Variants in IL1RAPL1 observed in about 807,000 individuals in gnomAD.
The protein encoded by IL1RAPL1 is interleukin 1 receptor accessory protein like 1.
IL1RAPL1 carries 3 observed loss-of-function variants against 48.4 expected under a neutral mutation model. The ratio of observed to expected loss-of-function variants is 0.06; its 90% confidence interval spans 0.03 to 0.16. The LOEUF (loss-of-function observed/expected upper bound fraction) is 0.16, where lower values mean the gene tolerates loss of function less well. IL1RAPL1 is among the 10% of genes least tolerant of loss of function. The pLI, the probability that IL1RAPL1 is intolerant of heterozygous loss-of-function variation, is 1.00. For missense variants in IL1RAPL1, 349 were observed against 530.6 expected, an observed-to-expected ratio of 0.66 and a Z score of 3.36; for synonymous variants, 185 against 187.7, an observed-to-expected ratio of 0.99 and a Z score of 0.12.
intron 2 of IL1RAPL1, among the ~76,000 whole-genome samples, chrX:29,186,216 T>C (rs1254310999): frequency 8.9e-5 from 10 of 112,178 alleles, no homozygotes; most frequent in African/African-American, 2.6e-4. Flanking sequence ...AACAGCTAGA[T>C]ACATGCAGCA....
At chrX:28,849,903 A>G (rs1042113569) in intron 2 of IL1RAPL1, among the ~76,000 whole-genome samples, 18 of 111,969 alleles carry the variant, frequency 1.6e-4, no homozygotes, top group Non-Finnish European at 2.4e-4. Context: ...TACTGGCTTT[A>G]TTCAACTAAT....
intron 2 of IL1RAPL1, among the ~76,000 whole-genome samples, chrX:28,871,833 T>A (rs1339273155): frequency 8.9e-6 from 1 of 112,365 alleles, no homozygotes; most frequent in Non-Finnish European, 1.9e-5. Context: ...GACTTTGGTG[T>A]CAGGCTTATT....
chrX:29,677,950 G>A (rs1926332551), intron 6 of IL1RAPL1, among the ~76,000 whole-genome samples: 1 of 111,449 alleles, frequency 9.0e-6, no homozygotes, highest in Non-Finnish European at 1.9e-5. Flanking sequence ...ATATACCCTA[G>A]TAGGATAACT....
intron 5 of IL1RAPL1, among the ~76,000 whole-genome samples, chrX:29,600,609 T>C (rs1923692834): frequency 1.8e-5 from 2 of 111,030 alleles, no homozygotes; most frequent in South Asian, 7.7e-4. Context: ...TTTCAGGCGG[T>C]GGGCAGGGCC....
chrX:29,752,664 A>G (rs1293517699), intron 6 of IL1RAPL1, among the ~76,000 whole-genome samples: 1 of 111,233 alleles, frequency 9.0e-6, no homozygotes. Context: ...TACTGAATCA[A>G]TGCTTTCCTG....
At chrX:29,292,787 A>C (rs1274131767) in intron 3 of IL1RAPL1, among the ~76,000 whole-genome samples, 1 of 111,095 alleles carries the variant, frequency 9.0e-6, no homozygotes, top group Non-Finnish European at 1.9e-5. Context: ...TGAGAATATC[A>C]GCTATAATTT....
chrX:28,721,332 C>A lies in IL1RAPL1; in HGVS notation c.-24-67988C>A, dbSNP rs752496420. ...CTCATTGTGGTTTTGATTTGCATTT[C>A]TCTGATGGCCAGTGACGATGAGTAT... On this transcript the variant is annotated intron_variant, in intron 1 of 10. Transcript: ENST00000378993. Among the ~76,000 whole-genome samples, 329 of 111,952 alleles carry A rather than the reference C, an allele frequency of 2.9e-3. 2 individuals carry two copies. The highest frequency in any genetic ancestry group is 3.2e-3 in the Non-Finnish European group (169 of 53,226).
rs765218308 is a variant in IL1RAPL1, at chrX:29,406,329, T to C, written c.703+7021T>C. 7.3e-5 allele frequency among the ~76,000 whole-genome samples: 8 copies of C among 109,024 alleles called. No individual in the cohort carries two copies. In the East Asian group the frequency reaches 8.6e-4, roughly 12 times the overall value. 94.7% of individuals were successfully genotyped at this position (109,024 alleles called of 115,157 possible). On this transcript the variant is annotated intron_variant, in intron 5 of 10. Coordinates refer to ENST00000378993, the MANE Select transcript of IL1RAPL1 (RefSeq NM_014271.4). ...GCGTGAACCTGGGAGGCAGAGCTTG[T>C]AGTGAGCCGAAATCGCGACACTGCA...
intron 3 of IL1RAPL1, among the ~76,000 whole-genome samples, chrX:29,284,820 CT>C (rs1351937537): frequency 8.9e-6 from 1 of 112,048 alleles, no homozygotes; most frequent in East Asian, 2.8e-4. Flanking sequence ...TTTACTAATC[CT>C]TTTATGATTA....
intron 5 of IL1RAPL1, among the ~76,000 whole-genome samples, chrX:29,516,991 C>T (rs865990455): frequency 3.6e-5 from 4 of 111,486 alleles, no homozygotes; most frequent in South Asian, 7.5e-4. Context: ...AAGAGTACTT[C>T]GCATATTTTG....
chrX:28,629,149 TA>T (rs1377188016), intron 1 of IL1RAPL1, among the ~76,000 whole-genome samples: 3 of 111,612 alleles, frequency 2.7e-5, no homozygotes, highest in African/African-American at 6.5e-5. Flanking sequence ...ATAACACACT[TA>T]GGGGGCATAT....
At chrX:29,528,773 CT>C (rs1376793634) in intron 5 of IL1RAPL1, among the ~76,000 whole-genome samples, 2 of 111,903 alleles carry the variant, frequency 1.8e-5, no homozygotes, top group Non-Finnish European at 3.8e-5. Flanking sequence ...ACCTCTTCAC[CT>C]TTGTTATATA....
chrX:29,689,683 A>G (rs772191218), intron 6 of IL1RAPL1, among the ~76,000 whole-genome samples: 7 of 112,360 alleles, frequency 6.2e-5, no homozygotes, highest in Non-Finnish European at 9.4e-5. Flanking sequence ...AGAGGCAGAG[A>G]TGACAGAACA....
chrX:29,765,565 A>T (rs1928862893), intron 6 of IL1RAPL1, among the ~76,000 whole-genome samples: 1 of 111,963 alleles, frequency 8.9e-6, no homozygotes, highest in Non-Finnish European at 1.9e-5. Context: ...GGATCAGCAC[A>T]ATGTCTTTTT....
At chrX:28,621,454 A>G (rs1256140462) in intron 1 of IL1RAPL1, among the ~76,000 whole-genome samples, 1 of 111,830 alleles carries the variant, frequency 8.9e-6, no homozygotes, top group Non-Finnish European at 1.9e-5. Context: ...TGACATGGCA[A>G]TGCACCTTCC....
chrX:28,725,239 C>T (rs989188951), intron 1 of IL1RAPL1, among the ~76,000 whole-genome samples: 114 of 111,112 alleles, frequency 1.0e-3, no homozygotes, highest in African/African-American at 3.2e-3. Context: ...CATGAGCCAC[C>T]ATGCCTGGCC....
intron 5 of IL1RAPL1, among the ~76,000 whole-genome samples, chrX:29,555,766 T>G (rs1226137571): frequency 8.9e-6 from 1 of 112,070 alleles, no homozygotes; most frequent in Non-Finnish European, 1.9e-5. Flanking sequence ...AGTGAGTAAT[T>G]GACAAATTCA....
At chrX:29,149,228 A>G (rs1340845012) in intron 2 of IL1RAPL1, among the ~76,000 whole-genome samples, 1 of 110,844 alleles carries the variant, frequency 9.0e-6, no homozygotes, top group Non-Finnish European at 1.9e-5. Flanking sequence ...ACATATGTTT[A>G]AAAATACTAA....
At chrX:28,625,737 CGT>C (rs112613600) in intron 1 of IL1RAPL1, among the ~76,000 whole-genome samples, 3,490 of 98,643 alleles carry the variant, frequency 0.035, 110 homozygotes, top group African/African-American at 0.11. Flanking sequence ...AATCAAAATG[CGT>C]GTGTGTGTGT....
Sources: allele counts gnomAD v4.1 joint callset (sites outside exome capture counted in the v4.1 genomes callset), GRCh38; gene constraint gnomAD v4.1.1; transcripts MANE v1.5; gene names NCBI Gene and HGNC (gene_info 2026-07-23, HGNC 2026-07-21).